Variants in CAMTA1 observed in about 807,000 individuals in gnomAD.
The protein encoded by CAMTA1 is calmodulin binding transcription activator 1.
CAMTA1 carries 27 observed loss-of-function variants against 170.9 expected under a neutral mutation model. The ratio of observed to expected loss-of-function variants is 0.16; its 90% CI spans 0.12 to 0.22. The LOEUF (loss-of-function observed/expected upper bound fraction) is 0.22. Among genes scored for constraint, CAMTA1 ranks in the 10% least tolerant of loss-of-function variants. CAMTA1 has a pLI of 1.00. For missense variants in CAMTA1, 1,619 were observed against 2,217.2 expected, an observed-to-expected ratio of 0.73 and a Z score of 5.42; for synonymous variants, 833 against 891.5, an observed-to-expected ratio of 0.93 and a Z score of 1.17.
intron 6 of CAMTA1, among the ~76,000 whole-genome samples, chr1:7,491,847 A>G (rs574581155): frequency 3.3e-5 from 5 of 152,332 alleles, no homozygotes; most frequent in African/African-American, 1.2e-4. Flanking sequence ...TTGCTCCATG[A>G]TGGAAAATGC....
At chr1:7,572,056 T>C (rs566267048) in intron 6 of CAMTA1, among the ~76,000 whole-genome samples, 2 of 152,342 alleles carry the variant, frequency 1.3e-5, no homozygotes, top group South Asian at 2.1e-4. Context: ...TGGTATCTCA[T>C]TGTGGTTTTG....
At chr1:7,536,909 C>T (rs1295376679) in intron 6 of CAMTA1, among the ~76,000 whole-genome samples, 3 of 152,148 alleles carry the variant, frequency 2.0e-5, no homozygotes, top group African/African-American at 4.8e-5. Flanking sequence ...GCTCCTGCCC[C>T]CATTGATCTC....
intron 4 of CAMTA1, among the ~76,000 whole-genome samples, chr1:7,175,869 C>G (rs1300736448): frequency 2.6e-5 from 4 of 152,238 alleles, no homozygotes; most frequent in Non-Finnish European, 5.9e-5. Context: ...CAGAAAGGCT[C>G]TTTCCTGCCG....
In CAMTA1 at chr1:7,098,978, T is replaced by G. The variant is rs143589539; in HGVS notation, c.302+7607T>G. ...GGAGGAGCCAAGAGGGAAGTGTTGA[T>G]GTTTGTGTCTCTGATTCCTCCCTGG... On this transcript the variant is annotated intron_variant, in intron 4 of 22. Coordinates refer to ENST00000303635, the MANE Select transcript of CAMTA1 (RefSeq NM_015215.4). 6.1e-3 allele frequency among the ~76,000 whole-genome samples: 926 copies of G among 152,228 alleles called. 1 individual carries two copies. The highest frequency in any genetic ancestry group is 0.01 in the Middle Eastern group (3 of 294).
At chr1:7,659,717 G>A (rs1050991753) in intron 7 of CAMTA1, among the ~76,000 whole-genome samples, 1 of 141,530 alleles carries the variant, frequency 7.1e-6, no homozygotes, top group Non-Finnish European at 1.5e-5. Flanking sequence ...CCATAGCATC[G>A]GCCAGGCCCC....
chr1:7,688,028 T>TTTTTTTTTG (rs2096273969), intron 11 of CAMTA1, among the ~76,000 whole-genome samples: 1 of 149,620 alleles, frequency 6.7e-6, no homozygotes, highest in Admixed American at 6.6e-5. Flanking sequence ...TTTTTTTTTT[T>TTTTTTTTTG]GGCAGAGTCT....
intron 4 of CAMTA1, among the ~76,000 whole-genome samples, chr1:7,225,347 G>T (rs954723475): frequency 2.6e-5 from 4 of 152,182 alleles, no homozygotes; most frequent in Non-Finnish European, 5.9e-5. Context: ...GCCTCCTAAA[G>T]TGTTGGGATT....
At chr1:7,297,763 G>A (rs1186874421) in intron 5 of CAMTA1, among the ~76,000 whole-genome samples, 1 of 152,190 alleles carries the variant, frequency 6.6e-6, no homozygotes, top group Non-Finnish European at 1.5e-5. Flanking sequence ...CAAAAGGCTG[G>A]GCAAACATGG....
In CAMTA1 at chr1:7,316,397, T is replaced by C. The variant is rs866909179; in HGVS notation, c.438+66771T>C. Among the ~76,000 whole-genome samples the C allele has an allele frequency of 1.2e-4, 18 of 152,206 alleles. 1 individual carries two copies. The highest frequency in any genetic ancestry group is 4.3e-4 in the African/African-American group (18 of 41,456). On this transcript the variant is annotated intron_variant, in intron 5 of 22. Coordinates refer to ENST00000303635, the MANE Select transcript of CAMTA1 (RefSeq NM_015215.4). Reference sequence around the variant, plus strand: ...TCTCTTTTGAGGTTCTGGGTGAACATAGATTTTGGAAGGACTCTATTCACT... The same window carrying C: ...TCTCTTTTGAGGTTCTGGGTGAACACAGATTTTGGAAGGACTCTATTCACT...
Position 7,143,788 on chromosome 1 carries a change from G to A in CAMTA1, c.302+52417G>A, listed in dbSNP as rs144266302. On this transcript the variant is annotated intron_variant, in intron 4 of 22. Transcript: ENST00000303635. ...AGGGATTCAGATAAAGTAGTTAAAT[G>A]TCAACTTATACTAAGTGTACTAATT... Among the ~76,000 whole-genome samples the A allele has an allele frequency of 1.2e-4, 18 of 152,310 alleles. 1 individual carries two copies. The highest frequency in any genetic ancestry group is 4.3e-4 in the African/African-American group (18 of 41,572).
chr1:6,804,319 G>A (rs1054919049), intron 1 of CAMTA1, among the ~76,000 whole-genome samples: 7 of 151,300 alleles, frequency 4.6e-5, no homozygotes, highest in Admixed American at 2.6e-4. Context: ...TGCCCAGCCT[G>A]ATTTGTTTTT....
chr1:7,543,321 C>T (rs538334020), intron 6 of CAMTA1, among the ~76,000 whole-genome samples: 1 of 152,268 alleles, frequency 6.6e-6, no homozygotes, highest in East Asian at 1.9e-4. Context: ...CATCTCATCC[C>T]TGGGTATTAT....
intron 6 of CAMTA1, among the ~76,000 whole-genome samples, chr1:7,622,098 G>A (rs890450466): frequency 6.6e-6 from 1 of 152,196 alleles, no homozygotes; most frequent in South Asian, 2.1e-4. Flanking sequence ...GAGGTATGGG[G>A]GGAGGAGGAG....
intron 6 of CAMTA1, among the ~76,000 whole-genome samples, chr1:7,494,874 G>A (rs2093800445): frequency 6.6e-6 from 1 of 152,160 alleles, no homozygotes; most frequent in Non-Finnish European, 1.5e-5. Context: ...AACAAGTAGG[G>A]AACAGGCAGC....
chr1:7,544,485 C>T (rs1404894005), intron 6 of CAMTA1, among the ~76,000 whole-genome samples: 1 of 152,162 alleles, frequency 6.6e-6, no homozygotes, highest in African/African-American at 2.4e-5. Flanking sequence ...GTCTTTGTGC[C>T]AGGTCTCACC....
intron 4 of CAMTA1, among the ~76,000 whole-genome samples, chr1:7,192,382 G>A (rs548838937): frequency 3.0e-4 from 46 of 152,362 alleles, no homozygotes; most frequent in African/African-American, 1.0e-3. Context: ...TGGCAGCTGC[G>A]GAGGGGCAGA....
At chr1:7,119,035 T>C (rs959832995) in intron 4 of CAMTA1, among the ~76,000 whole-genome samples, 5 of 152,210 alleles carry the variant, frequency 3.3e-5, no homozygotes, top group African/African-American at 1.2e-4. Context: ...ATTTCCCGGA[T>C]ACCCGTGCAG....
In CAMTA1 at chr1:7,654,705, A is replaced by C. The variant is rs189749617; in HGVS notation, c.665-7021A>C. ...CATGCACACAAACACCCCTATACAC[A>C]CAAACACACCCACCTATACACACAC... On this transcript the variant is annotated intron_variant, in intron 7 of 22. Coordinates refer to ENST00000303635, the MANE Select transcript of CAMTA1 (RefSeq NM_015215.4). 1.9e-3 allele frequency among the ~76,000 whole-genome samples: 279 copies of C among 147,894 alleles called. 3 individuals are homozygous for C. Among genetic ancestry groups the C allele is most frequent in the Middle Eastern group, 3.5e-3 (1 of 282 alleles).
chr1:6,883,190 G>A (rs914003264), intron 3 of CAMTA1, among the ~76,000 whole-genome samples: 6 of 152,090 alleles, frequency 3.9e-5, no homozygotes, highest in Non-Finnish European at 7.4e-5. Context: ...CACCGCGCCC[G>A]GACAAGGAAG....
Sources: gnomAD v4.1 joint callset for allele counts (sites outside exome capture counted in the v4.1 genomes callset) on GRCh38, gnomAD v4.1.1 for gene constraint, MANE v1.5 for transcripts, NCBI Gene and HGNC (gene_info 2026-07-23, HGNC 2026-07-21) for gene names.